MARCHF4: variants seen among roughly 807,000 people sequenced by gnomAD.
MARCHF4 encodes membrane associated ring-CH-type finger 4, also known as E3 ubiquitin-protein ligase MARCHF4.
In MARCHF4, 14 loss-of-function variants were observed where a neutral mutation model predicts 43.9. That is an observed-to-expected ratio of 0.32 (90% CI 0.21 to 0.50). MARCHF4 has a LOEUF of 0.50. Ranked by LOEUF, MARCHF4 falls within the 20% of genes least tolerant of loss-of-function variation. MARCHF4 has a pLI of 0.98. For missense variants in MARCHF4, 468 were observed against 536.7 expected, an observed-to-expected ratio of 0.87 and a Z score of 1.27; for synonymous variants, 226 against 213.3, an observed-to-expected ratio of 1.06 and a Z score of -0.52.
At chr2:216,263,458 AGAAAGAAAG>A (rs1690777086) in intron 3 of MARCHF4, among the ~76,000 whole-genome samples, 1 of 144,078 alleles carries the variant, frequency 6.9e-6, no homozygotes, top group Non-Finnish European at 1.5e-5. Context: ...AGAGAGAGAG[AGAAAGAAAG>A]AGAAAGAGAG....
At chr2:216,289,606 A>T (rs1691275679) in intron 1 of MARCHF4, among the ~76,000 whole-genome samples, 1 of 152,074 alleles carries the variant, frequency 6.6e-6, no homozygotes, top group Non-Finnish European at 1.5e-5. Flanking sequence ...CATTTTTCAC[A>T]TCTTTCAGTC....
chr2:216,357,779 T>C (rs1414628780), intron 1 of MARCHF4, among the ~76,000 whole-genome samples: 1 of 152,246 alleles, frequency 6.6e-6, no homozygotes, highest in South Asian at 2.1e-4. Flanking sequence ...ATATATTTAT[T>C]GACAAGCTAC....
chr2:216,276,701 G>A (rs772878208), intron 3 of MARCHF4, among the ~76,000 whole-genome samples: 15 of 152,182 alleles, frequency 9.9e-5, no homozygotes, highest in Non-Finnish European at 1.6e-4. Flanking sequence ...TAACAACACC[G>A]GGAGAGGATA....
At chr2:216,260,446 G>T (rs1690722967) in intron 3 of MARCHF4, among the ~76,000 whole-genome samples, 2 of 152,210 alleles carry the variant, frequency 1.3e-5, no homozygotes, top group Non-Finnish European at 2.9e-5. Flanking sequence ...TTTTAGCAAG[G>T]GTGGTGGGAA....
At chr2:216,353,697 G>A (rs1206305404) in intron 1 of MARCHF4, among the ~76,000 whole-genome samples, 2 of 152,138 alleles carry the variant, frequency 1.3e-5, no homozygotes, top group African/African-American at 4.8e-5. Context: ...ACAGGTGCCT[G>A]CCACCATGCC....
intron 1 of MARCHF4, among the ~76,000 whole-genome samples, chr2:216,297,719 T>C (rs972221373): frequency 5.9e-4 from 90 of 152,290 alleles, no homozygotes; most frequent in African/African-American, 2.0e-3. Flanking sequence ...TTTCTCCATG[T>C]TGGTCAGGCT....
chr2:216,281,093 T>A (rs2105939626), intron 2 of MARCHF4, among the ~76,000 whole-genome samples: 2 of 140,290 alleles, frequency 1.4e-5, no homozygotes, highest in South Asian at 4.6e-4. Flanking sequence ...TGAGACAGGA[T>A]CTCGCTCTGC....
intron 1 of MARCHF4, among the ~76,000 whole-genome samples, chr2:216,312,183 T>C (rs1387410078): frequency 6.6e-6 from 1 of 152,216 alleles, no homozygotes; most frequent in East Asian, 1.9e-4. Flanking sequence ...GTGTCCATTG[T>C]TTAACTCCCA....
In MARCHF4 at chr2:216,344,272, C is replaced by A. The variant is rs368942675; in HGVS notation, c.516+25473G>T. On this transcript the variant is annotated intron_variant, in intron 1 of 3. Transcript: ENST00000273067. ...ACAAACAAACAAACAAACAAAAAAA[C>A]ATGTGACAATACTTGCTCTTCCTCT... 5.5e-3 allele frequency among the ~76,000 whole-genome samples: 802 copies of A among 146,584 alleles called. 8 individuals carry two copies. The highest frequency in any genetic ancestry group is 0.019 in the African/African-American group (745 of 39,468).
intron 1 of MARCHF4, among the ~76,000 whole-genome samples, chr2:216,311,813 G>A (rs1346709501): frequency 6.6e-6 from 1 of 152,128 alleles, no homozygotes; most frequent in Non-Finnish European, 1.5e-5. Context: ...CCCATCCATA[G>A]TGTATGAAGC....
In MARCHF4 at chr2:216,259,599, T is replaced by G; in HGVS notation, c.946A>C (p.Asn316His). 1 of 1,614,202 alleles carries G rather than the reference T, an allele frequency of 6.2e-7. No homozygotes were observed. The change falls in exon 4 of 4, where the codon AAC becomes CAC. Residue 316 changes from asparagine to histidine, a missense_variant. This residue lies in a region of MARCHF4 where 120 missense variants were observed against 127.1 expected (regional missense o/e 0.94). Transcript: ENST00000273067. Reference protein sequence around the residue: ...QAVNQQWKVLNYDKTKDLEDQ... With the variant: ...QAVNQQWKVLHYDKTKDLEDQ... ...TCCAGGTCTTTTGTCTTGTCATAGT[T>G]CAGCACTTTCCACTGCTGGTTGACA...
intron 1 of MARCHF4, among the ~76,000 whole-genome samples, chr2:216,333,857 G>A (rs919496094): frequency 1.2e-4 from 19 of 152,194 alleles, no homozygotes; most frequent in African/African-American, 4.3e-4. Flanking sequence ...AGCCACCGTG[G>A]CGTAGAATGT....
At chr2:216,332,390 T>TAAAA (rs572537646) in intron 1 of MARCHF4, among the ~76,000 whole-genome samples, 1 of 94,556 alleles carries the variant, frequency 1.1e-5, no homozygotes. Context: ...AGACTCTGTC[T>TAAAA]AAAAAAAAAA....
intron 1 of MARCHF4, among the ~76,000 whole-genome samples, chr2:216,330,188 C>T (rs12622637): frequency 2.0e-5 from 3 of 151,678 alleles, no homozygotes; most frequent in Admixed American, 1.3e-4. Flanking sequence ...TGAAGCACTA[C>T]CAGAGAGATT....
intron 1 of MARCHF4, among the ~76,000 whole-genome samples, chr2:216,302,774 T>C (rs888204496): frequency 9.2e-5 from 14 of 151,606 alleles, no homozygotes; most frequent in African/African-American, 3.2e-4. Context: ...GGTGGGTGCC[T>C]GTAATCACAG....
intron 1 of MARCHF4, among the ~76,000 whole-genome samples, chr2:216,364,429 C>A (rs115058928): frequency 6.6e-6 from 1 of 152,132 alleles, no homozygotes; most frequent in South Asian, 2.1e-4. Context: ...GGCAAGAGAA[C>A]CCCTAGCTCT....
chr2:216,350,872 T>C (rs568993771), intron 1 of MARCHF4, among the ~76,000 whole-genome samples: 7 of 152,374 alleles, frequency 4.6e-5, no homozygotes, highest in African/African-American at 1.4e-4. Context: ...GGGCTAGCAC[T>C]ATGCTTGGCA....
intron 1 of MARCHF4, among the ~76,000 whole-genome samples, chr2:216,314,358 C>A (rs1691738530): frequency 6.6e-6 from 1 of 150,556 alleles, no homozygotes; most frequent in African/African-American, 2.4e-5. Flanking sequence ...CAGTCTCACT[C>A]CACTGCCCAG....
intron 1 of MARCHF4, among the ~76,000 whole-genome samples, chr2:216,297,343 A>C (rs142376100): frequency 1.6e-3 from 249 of 152,264 alleles, no homozygotes; most frequent in Non-Finnish European, 2.4e-3. Context: ...CTTGCTCACC[A>C]GTGCCTTCCA....
Sources: allele counts gnomAD v4.1 joint callset (sites outside exome capture counted in the v4.1 genomes callset), GRCh38; gene constraint gnomAD v4.1.1; regional missense constraint gnomAD v4.1.1; transcripts MANE v1.5; gene names NCBI Gene and HGNC (gene_info 2026-07-23, HGNC 2026-07-21).